CD99: variants seen among roughly 807,000 people sequenced by gnomAD.
CD99 encodes CD99 molecule (Xg blood group), also known as CD99 antigen.
In CD99, 19 loss-of-function variants were observed where a neutral mutation model predicts 28.4. That is an observed-to-expected ratio of 0.67 (90% CI 0.47 to 0.98). CD99 has a LOEUF of 0.98. Among genes scored for constraint, CD99 ranks in the 50% least tolerant of loss-of-function variants. The pLI, the probability that CD99 is intolerant of heterozygous loss-of-function variation, is 0.00. For missense variants in CD99, 283 were observed against 248.8 expected (o/e 1.14, Z -0.92); for synonymous variants, 103 against 92.1 (o/e 1.12, Z -0.67).
At chrX:2,729,736 C>T (rs1433646189) in intron 8 of CD99, among the ~76,000 whole-genome samples, 16 of 152,096 alleles carry the variant, frequency 1.1e-4, no homozygotes, top group Admixed American at 3.3e-4. Flanking sequence ...TTATCCGCCC[C>T]GCCACCCCTG....
At chrX:2,731,464 C>A (rs1326587368) in intron 8 of CD99, among the ~76,000 whole-genome samples, 1 of 152,136 alleles carries the variant, frequency 6.6e-6, no homozygotes, top group Non-Finnish European at 1.5e-5. Flanking sequence ...GTGGTGCACA[C>A]ATGTATTTCC....
At chrX:2,731,913 G>A (rs900786956) in intron 8 of CD99, among the ~76,000 whole-genome samples, 5 of 151,744 alleles carry the variant, frequency 3.3e-5, no homozygotes, top group East Asian at 2.0e-4. Flanking sequence ...AAATAACTGC[G>A]GTTTATGCCA....
At chrX:2,707,151 G>A (rs900988876) in intron 1 of CD99, among the ~76,000 whole-genome samples, 43 of 152,170 alleles carry the variant, frequency 2.8e-4, no homozygotes, top group Admixed American at 2.8e-3. Flanking sequence ...CCAACATGGC[G>A]AAACTCCATC....
At chrX:2,716,564 T>TC (rs1304972201) in intron 2 of CD99, among the ~76,000 whole-genome samples, 2 of 152,064 alleles carry the variant, frequency 1.3e-5, no homozygotes, top group Admixed American at 6.5e-5. Context: ...GGATCTTGTC[T>TC]CACTACAGCC....
intron 1 of CD99, among the ~76,000 whole-genome samples, chrX:2,707,107 A>T (rs1048056630): frequency 2.6e-5 from 4 of 152,182 alleles, no homozygotes; most frequent in African/African-American, 4.8e-5. Flanking sequence ...AGGCAGGCAG[A>T]TCACTTGATG....
intron 2 of CD99, chrX:2,714,740 A>T (rs2048606300): frequency 9.2e-6 from 3 of 326,300 alleles, no homozygotes; most frequent in Non-Finnish European, 1.7e-5. Context: ...CTGTTGGAAA[A>T]AATGATGCCG....
rs200795445 is a variant in CD99 at position 2,726,223 on chromosome X, G to A, written c.362-37G>A. On this transcript the variant is annotated intron_variant, in intron 7 of 9. Transcript: ENST00000381192. The stretch of plus-strand genomic sequence containing the variant: ...CCCTGGGATCTTCTCTGCACCGTGC[G>A]TGTCTCAATCACGATGCTGTGTGCT... 1.5e-5 allele frequency: 19 copies of A among 1,269,054 alleles called. No homozygotes were observed. The East Asian group carries it at 2.5e-4, about 17-fold the overall frequency. 78.6% of individuals were successfully genotyped at this position (1,269,054 alleles called of 1,614,324 possible).
chrX:2,733,664 G>A (rs1328753282), intron 8 of CD99: 1 of 512,510 alleles, frequency 2.0e-6, no homozygotes, highest in Non-Finnish European at 3.5e-6. Flanking sequence ...GAATCTAACA[G>A]AAACAGGGCA....
intron 5 of CD99, among the ~76,000 whole-genome samples, chrX:2,722,183 G>A (rs2049022973): frequency 6.6e-6 from 1 of 150,414 alleles, no homozygotes; most frequent in African/African-American, 2.4e-5. Flanking sequence ...CTTATTTTGT[G>A]TATTGTATGC....
intron 1 of CD99, among the ~76,000 whole-genome samples, chrX:2,710,950 A>G (rs311064): frequency 0.38 from 53,998 of 143,534 alleles, 11,663 homozygotes; most frequent in African/African-American, 0.61. Context: ...TGCTCACTGC[A>G]ACCTCTACTT....
chrX:2,713,799 G>A (rs1234842989), intron 1 of CD99, among the ~76,000 whole-genome samples: 1 of 152,174 alleles, frequency 6.6e-6, no homozygotes, highest in Non-Finnish European at 1.5e-5. Context: ...TGACCAAACA[G>A]TCCAAGTCGA....
intron 8 of CD99, among the ~76,000 whole-genome samples, chrX:2,730,234 G>A (rs2049524534): frequency 6.6e-6 from 1 of 150,926 alleles, no homozygotes; most frequent in Non-Finnish European, 1.5e-5. Flanking sequence ...GTGCAATGGC[G>A]TGATCTCGGC....
At chrX:2,739,862 G>C (rs2050116630) in intron 9 of CD99, among the ~76,000 whole-genome samples, 1 of 149,802 alleles carries the variant, frequency 6.7e-6, no homozygotes, top group Non-Finnish European at 1.5e-5. Flanking sequence ...GATCACCTGA[G>C]GTTGGGAGTT....
intron 2 of CD99, among the ~76,000 whole-genome samples, chrX:2,717,217 A>G: frequency 6.6e-6 from 1 of 152,140 alleles, no homozygotes; most frequent in African/African-American, 2.4e-5. Context: ...GAGTGATGGC[A>G]TGCACCTGTA....
At chrX:2,725,384 C>T (rs1302372413) in intron 7 of CD99, among the ~76,000 whole-genome samples, 1 of 152,044 alleles carries the variant, frequency 6.6e-6, no homozygotes, top group African/African-American at 2.4e-5. Context: ...TTTGACAGAG[C>T]AAGAACCCAT....
chrX:2,697,470 C>T (rs1400722364), intron 1 of CD99, among the ~76,000 whole-genome samples: 1 of 152,116 alleles, frequency 6.6e-6, no homozygotes, highest in African/African-American at 2.4e-5. Flanking sequence ...TCAGCGACAC[C>T]TGAGTTTGCC....
chrX:2,714,308 G>A (rs2048581553), intron 1 of CD99, 114 bp from the exon 2 acceptor site: 1 of 814,672 alleles, frequency 1.2e-6, no homozygotes, highest in East Asian at 2.8e-5. Flanking sequence ...ATTTTTTTAA[G>A]TTGCTGTTTT....
intron 1 of CD99, chrX:2,691,732 A>G (rs1389120128): frequency 4.2e-6 from 3 of 720,384 alleles, no homozygotes; most frequent in Admixed American, 1.9e-5. Context: ...GGACCTTCTT[A>G]CAGATCTCTC....
rs1280647057 is a variant in CD99, at chrX:2,732,681, T to G, written c.476-5519T>G. On this transcript the variant is annotated intron_variant, in intron 8 of 9. Transcript: ENST00000381192. The stretch of plus-strand genomic sequence containing the variant: ...TTTTCTCTATCTCTTCCTTTCTTCC[T>G]TCTCTTTTCTTCTTATGTACCTCTT... Among the ~76,000 whole-genome samples the G allele has an allele frequency of 2.9e-5, 4 of 139,594 alleles. No individual in the cohort carries two copies. In the East Asian group the frequency reaches 8.1e-4, roughly 28 times the overall value. The allele number at this position is 139,594 out of a possible 152,430, so 91.6% of individuals were successfully genotyped here.
Sources: gnomAD v4.1 joint callset for allele counts (sites outside exome capture counted in the v4.1 genomes callset) on GRCh38, gnomAD v4.1.1 for gene constraint, MANE v1.5 for transcripts, NCBI Gene and HGNC (gene_info 2026-07-23, HGNC 2026-07-21) for gene names.